AGBL1: variants seen among roughly 807,000 people sequenced by gnomAD.
AGBL1 encodes AGBL carboxypeptidase 1.
In AGBL1, 130 loss-of-function variants were observed where a neutral mutation model predicts 118.9. The observed-to-expected ratio is 1.09, with a 90% CI of 0.95 to 1.26. The LOEUF is 1.26. Among genes scored for constraint, AGBL1 ranks in the 50% most tolerant of loss-of-function variants. The probability of loss-of-function intolerance (pLI) is 0.00; values close to 1 mark genes in which losing one functional copy is unlikely to be tolerated. For missense variants in AGBL1, 1,584 were observed against 1,298.1 expected, an observed-to-expected ratio of 1.22 and a Z score of -3.38; for synonymous variants, 555 against 478.9, an observed-to-expected ratio of 1.16 and a Z score of -2.08.
intron 18 of AGBL1, among the ~76,000 whole-genome samples, chr15:86,468,750 T>C (rs1052547974): frequency 6.6e-6 from 1 of 152,210 alleles, no homozygotes; most frequent in Non-Finnish European, 1.5e-5. Context: ...ATTCTTTCGC[T>C]AATAATTCAG....
chr15:86,274,059 A>C (rs1044714589), intron 15 of AGBL1, among the ~76,000 whole-genome samples: 2 of 152,214 alleles, frequency 1.3e-5, no homozygotes, highest in Non-Finnish European at 1.5e-5. Flanking sequence ...TATACATTTA[A>C]AAAAGTGTAT....
intron 22 of AGBL1, among the ~76,000 whole-genome samples, chr15:86,777,618 A>G (rs1033382621): frequency 1.3e-5 from 2 of 152,162 alleles, no homozygotes; most frequent in African/African-American, 2.4e-5. Context: ...ATGTAGATAT[A>G]TCTGTTTTTA....
At chr15:86,383,004 C>T (rs1447630291) in intron 17 of AGBL1, among the ~76,000 whole-genome samples, 2 of 152,104 alleles carry the variant, frequency 1.3e-5, no homozygotes, top group East Asian at 3.9e-4. Flanking sequence ...CCATTTTGAA[C>T]AGCTCTGCTC....
At chr15:86,160,348 C>T (rs891004448) in intron 5 of AGBL1, among the ~76,000 whole-genome samples, 2 of 152,052 alleles carry the variant, frequency 1.3e-5, no homozygotes, top group African/African-American at 2.4e-5. Flanking sequence ...TGTCAGATAA[C>T]AAGAAATATA....
chr15:86,355,032 C>A (rs1375123196), intron 17 of AGBL1, among the ~76,000 whole-genome samples: 2 of 152,126 alleles, frequency 1.3e-5, no homozygotes, highest in South Asian at 2.1e-4. Context: ...AGCTCTACAG[C>A]AAAAAGAAAT....
At chr15:86,888,718 C>T (rs796212706) in intron 22 of AGBL1, among the ~76,000 whole-genome samples, 3 of 152,084 alleles carry the variant, frequency 2.0e-5, no homozygotes, top group African/African-American at 7.2e-5. Context: ...TGGCCTCAAG[C>T]TGCTTTAAAA....
downstream of AGBL1, among the ~76,000 whole-genome samples, chr15:87,029,711 T>A (rs926728204): frequency 5.3e-5 from 8 of 152,098 alleles, no homozygotes; most frequent in Middle Eastern, 3.4e-3. Context: ...TTTCTATGTT[T>A]GTATTTCTCT....
chr15:87,000,488 C>A (rs1488802469), intron 24 of AGBL1, among the ~76,000 whole-genome samples: 1 of 101,708 alleles, frequency 9.8e-6, no homozygotes, highest in East Asian at 2.5e-4. Flanking sequence ...ATAGGGAATG[C>A]TTTCCCCATT....
chr15:86,802,552 A>G (rs1458895412), intron 22 of AGBL1, among the ~76,000 whole-genome samples: 1 of 152,162 alleles, frequency 6.6e-6, no homozygotes, highest in East Asian at 1.9e-4. Context: ...TCTAGCATAT[A>G]CTTAATATGT....
intron 23 of AGBL1, among the ~76,000 whole-genome samples, chr15:86,969,956 C>G (rs1042205155): frequency 6.6e-6 from 1 of 152,020 alleles, no homozygotes; most frequent in Non-Finnish European, 1.5e-5. Context: ...GTTGAATTTT[C>G]TCTAGCTACA....
chr15:86,447,417 A>C (rs1157851505), intron 18 of AGBL1, among the ~76,000 whole-genome samples: 1 of 152,224 alleles, frequency 6.6e-6, no homozygotes, highest in Non-Finnish European at 1.5e-5. Context: ...CTGAGAATGA[A>C]GCTGACACCG....
At chr15:86,507,595 G>T (rs1260014410) in intron 18 of AGBL1, among the ~76,000 whole-genome samples, 3 of 152,076 alleles carry the variant, frequency 2.0e-5, no homozygotes, top group Admixed American at 6.6e-5. Context: ...ATGTAGGTTG[G>T]AAAATAGAGG....
intron 23 of AGBL1, among the ~76,000 whole-genome samples, chr15:86,951,407 T>C (rs2080879386): frequency 6.6e-6 from 1 of 152,200 alleles, no homozygotes; most frequent in Admixed American, 6.5e-5. Context: ...CAATTCCTAA[T>C]AGCACTCACA....
chr15:86,143,708 G>T lies in AGBL1; in HGVS notation c.125G>T (p.Arg42Leu), dbSNP rs542232271. Residue 42 changes from arginine to leucine, a missense_variant, in exon 3 of 23, where the codon CGG becomes CTG. Transcript: ENST00000614907. ...TCCGGTTTCCCCTCAGGCACAGACCGGAGAATTCACTACATGATCAGCAAG... is the reference window on the plus strand; with the variant it reads ...TCCGGTTTCCCCTCAGGCACAGACCTGAGAATTCACTACATGATCAGCAAG... ...LGDLLSVGTD[R>L]RIHYMISKGG... 2.7e-5 allele frequency: 44 copies of T among 1,613,344 alleles called. 1 individual carries two copies. The Admixed American group carries it at 7.2e-4, about 26-fold the overall frequency.
intron 22 of AGBL1, among the ~76,000 whole-genome samples, chr15:86,787,536 C>T (rs549445170): frequency 6.6e-6 from 1 of 152,132 alleles, no homozygotes; most frequent in Non-Finnish European, 1.5e-5. Flanking sequence ...TTATCTGGGT[C>T]TAGCTTTTTT....
chr15:86,857,532 C>T (rs2079500209), intron 22 of AGBL1, among the ~76,000 whole-genome samples: 1 of 152,212 alleles, frequency 6.6e-6, no homozygotes, highest in South Asian at 2.1e-4. Flanking sequence ...CCCCACCTGC[C>T]TCTACCTGGC....
intron 21 of AGBL1, among the ~76,000 whole-genome samples, chr15:86,671,855 T>C (rs1048715440): frequency 6.6e-6 from 1 of 152,192 alleles, no homozygotes; most frequent in African/African-American, 2.4e-5. Flanking sequence ...ACTGAGGATA[T>C]GACATTTGAC....
At chr15:86,573,280 G>T (rs900831980) in intron 21 of AGBL1, among the ~76,000 whole-genome samples, 3 of 152,140 alleles carry the variant, frequency 2.0e-5, no homozygotes, top group Admixed American at 6.5e-5. Flanking sequence ...CCTGCAATAT[G>T]TTAAGTGCCA....
At chr15:86,411,961 T>C (rs56069530) in intron 18 of AGBL1, among the ~76,000 whole-genome samples, 1 of 152,126 alleles carries the variant, frequency 6.6e-6, no homozygotes, top group Non-Finnish European at 1.5e-5. Context: ...TTGGTTGTTA[T>C]TGGTCTTTGA....
Sources: gnomAD v4.1 joint callset for allele counts (sites outside exome capture counted in the v4.1 genomes callset) on GRCh38, gnomAD v4.1.1 for gene constraint, MANE v1.5 for transcripts, NCBI Gene and HGNC (gene_info 2026-07-23, HGNC 2026-07-21) for gene names.